DKK3: variants seen among roughly 807,000 people sequenced by gnomAD.
The protein encoded by DKK3 is dickkopf-related protein 3.
Under a neutral mutation model 33.2 loss-of-function variants are expected in DKK3, and 22 were observed. The ratio of observed to expected loss-of-function variants is 0.66; its 90% CI spans 0.47 to 0.95. The LOEUF (loss-of-function observed/expected upper bound fraction) is 0.95, where lower values mean the gene tolerates loss of function less well. Among genes scored for constraint, DKK3 ranks in the 40% least tolerant of loss-of-function variants. The probability of loss-of-function intolerance (pLI) is 0.00; values close to 1 mark genes in which losing one functional copy is unlikely to be tolerated. For synonymous variants in DKK3, 194 were observed against 188.8 expected (o/e 1.03, Z -0.23); for missense variants, 398 against 458.4 (o/e 0.87, Z 1.20).
chr11:12,000,855 C>T (rs185049619), intron 2 of DKK3, among the ~76,000 whole-genome samples: 1 of 152,252 alleles, frequency 6.6e-6, no homozygotes, highest in East Asian at 1.9e-4. Flanking sequence ...TTGAGAACTA[C>T]TGCACTGTGT....
intron 3 of DKK3, chr11:11,994,608 C>G (rs1008113101): frequency 2.0e-5 from 3 of 152,158 alleles, no homozygotes; most frequent in African/African-American, 7.2e-5. Context: ...CCAGCGATTC[C>G]TCATCATGTT....
rs367896488 is a variant in DKK3 at position 12,008,517 on chromosome 11, C to G, written c.66G>C (p.Ala22=). 31 of 1,578,272 alleles carry G rather than the reference C, an allele frequency of 2.0e-5. No individual in the cohort carries two copies. The highest frequency in any genetic ancestry group is 2.5e-5 in the Non-Finnish European group (29 of 1,168,990). The change falls in exon 1 of 7, where the codon GCG becomes GCC. Residue 22 remains alanine, a synonymous_variant. Transcript: ENST00000683431. This position sits in a 1 kb window ranked among gnomAD's most constrained non-coding sequence, Gnocchi z 4.6. ...LLAAAVPTAP[A]PAPTATSAPV... ...GAGCCGAGGTCGCCGTCGGAGCGGG[C>G]GCGGGGGCCGTGGGGACCGCCGCCG... is the stretch of plus-strand genomic sequence containing the variant.
chr11:11,984,999 G>A (rs910453485), intron 3 of DKK3, among the ~76,000 whole-genome samples: 2 of 152,188 alleles, frequency 1.3e-5, no homozygotes, highest in Admixed American at 6.5e-5. Flanking sequence ...ATGTTTCAGT[G>A]GTGGAAAAAC....
At chr11:11,982,520 T>C (rs912541998) in intron 3 of DKK3, among the ~76,000 whole-genome samples, 1 of 152,210 alleles carries the variant, frequency 6.6e-6, no homozygotes, top group African/African-American at 2.4e-5. Context: ...ATCCATATCC[T>C]GCATCTCCTA....
Position 11,970,100 on chromosome 11 carries a change from G to A in DKK3, c.436-1613C>T, listed in dbSNP as rs144386016. Among the ~76,000 whole-genome samples the A allele has an allele frequency of 4.6e-4, 70 of 152,244 alleles. 1 individual carries two copies. Among genetic ancestry groups the A allele is most frequent in the East Asian group, 7.7e-4 (4 of 5,176 alleles). ...GCTGCTCAGCCGGAAGCCTCCCGAC[G>A]TTCTTTCCAAAGCAGAATGGCAAGA... On this transcript the variant is annotated intron_variant, in intron 3 of 6. Transcript: ENST00000683431.
At chr11:11,966,046 T>C (rs2134986046) in intron 5 of DKK3, 81 bp from the exon 6 acceptor site, 1 of 1,470,004 alleles carries the variant, frequency 6.8e-7, no homozygotes, top group South Asian at 1.3e-5. Flanking sequence ...AAATGGAGCA[T>C]AACCTCCCAC....
chr11:11,997,739 C>T (rs779143354), intron 3 of DKK3, among the ~76,000 whole-genome samples: 7 of 152,136 alleles, frequency 4.6e-5, no homozygotes, highest in Admixed American at 1.3e-4. Flanking sequence ...CTGTAAAAGT[C>T]GGCCAGCTCC....
At chr11:11,994,444 A>T (rs1167828070) in intron 3 of DKK3, among the ~76,000 whole-genome samples, 1 of 152,110 alleles carries the variant, frequency 6.6e-6, no homozygotes, top group East Asian at 1.9e-4. Context: ...AAATGGACAG[A>T]AGGGAAGGGC....
chr11:12,008,684 C>T (rs1848596835), upstream of DKK3: 1 of 1,222,114 alleles, frequency 8.2e-7, no homozygotes. This position sits in a 1 kb window ranked among gnomAD's most constrained non-coding sequence, Gnocchi z 4.6. Context: ...CCCGTTCCGC[C>T]CCGCCGCCCG....
intron 2 of DKK3, among the ~76,000 whole-genome samples, chr11:12,000,190 T>C (rs1295989433): frequency 1.0e-5 from 1 of 95,880 alleles, no homozygotes; most frequent in African/African-American, 4.4e-5. Context: ...TTTTGTTTGT[T>C]TGTTTGTTTG....
chr11:11,984,515 C>G (rs572066268), intron 3 of DKK3, among the ~76,000 whole-genome samples: 1 of 152,078 alleles, frequency 6.6e-6, no homozygotes, highest in African/African-American at 2.4e-5. Context: ...AAAATAAAAA[C>G]GCATTACTTT....
At chr11:12,005,610 T>G (rs1327936753) in intron 1 of DKK3, among the ~76,000 whole-genome samples, 2 of 152,252 alleles carry the variant, frequency 1.3e-5, no homozygotes, top group African/African-American at 4.8e-5. Flanking sequence ...AGAGCTGCTT[T>G]GTCCTTCCCC....
At chr11:11,996,789 G>A (rs1021317438) in intron 3 of DKK3, among the ~76,000 whole-genome samples, 4 of 152,232 alleles carry the variant, frequency 2.6e-5, no homozygotes, top group Admixed American at 1.3e-4. Context: ...TGGGGGTTCG[G>A]ATTCTGCCCT....
At chr11:12,002,999 C>G (rs1848461183) in intron 1 of DKK3, among the ~76,000 whole-genome samples, 4 of 152,238 alleles carry the variant, frequency 2.6e-5, no homozygotes, top group Admixed American at 2.6e-4. Context: ...TCTCCCTTCG[C>G]TAGACAATTC....
At chr11:11,967,164 C>T (rs888790710) in intron 4 of DKK3, 66 bp from the exon 5 acceptor site, 1 of 1,568,278 alleles carries the variant, frequency 6.4e-7, no homozygotes, top group Non-Finnish European at 8.7e-7. Context: ...GAGAGCCCAG[C>T]CTGAAGATAC....
In DKK3 at chr11:12,008,269, G is replaced by A. The variant is rs1259461954; in HGVS notation, c.213+101C>T. The A allele has an allele frequency of 7.7e-6, 11 of 1,426,914 alleles. No homozygotes were observed. The highest frequency in any genetic ancestry group is 2.3e-5 in the Admixed American group (1 of 44,264). 88.4% of individuals were successfully genotyped at this position (1,426,914 alleles called of 1,614,324 possible). A position where few individuals can be genotyped will look rare whatever the true frequency, so the allele number is the denominator to read the frequency against. ...TGTCGGCCCTTCCCAGGCCCTGCGC[G>A]GGACCCGAGGTCCCTGGCCAGCGCT... On this transcript the variant is annotated intron_variant, in intron 1 of 6. Transcript: ENST00000683431. This position sits in a 1 kb window ranked among gnomAD's most constrained non-coding sequence, Gnocchi z 4.6.
intron 3 of DKK3, among the ~76,000 whole-genome samples, chr11:11,977,928 A>C (rs548371488): frequency 2.5e-4 from 38 of 152,350 alleles, no homozygotes; most frequent in South Asian, 1.7e-3. Context: ...TTTAGCAAAT[A>C]ATTTAGCTGA....
At position 12,008,330 on chromosome 11, in the gene DKK3, T is replaced by C. The variant is rs746536918; in HGVS notation, c.213+40A>G. ...TTCCCAGACTTCGCTGCCCCCAGTC[T>C]GGCGCTTCTCAGAGCCCCGCGCCGC... On this transcript the variant is annotated intron_variant, in intron 1 of 6. Transcript: ENST00000683431. This position sits in a 1 kb window ranked among gnomAD's most constrained non-coding sequence, Gnocchi z 4.6. 1.9e-6 allele frequency: 3 copies of C among 1,576,716 alleles called. No homozygotes were observed. The Admixed American group carries it at 5.3e-5, about 28-fold the overall frequency.
chr11:12,006,066 A>G (rs1316868192), intron 1 of DKK3, among the ~76,000 whole-genome samples: 1 of 152,142 alleles, frequency 6.6e-6, no homozygotes, highest in Admixed American at 6.5e-5. Context: ...CCTTACAGCC[A>G]CCTCACAATG....
Sources: gnomAD v4.1 joint callset for allele counts (sites outside exome capture counted in the v4.1 genomes callset) on GRCh38, gnomAD v4.1.1 for gene constraint, Gnocchi (gnomAD v3.1) non-coding constraint, MANE v1.5 for transcripts, NCBI Gene and HGNC (gene_info 2026-07-23, HGNC 2026-07-21) for gene names.